Variants in BTRC observed in about 807,000 individuals in gnomAD.
BTRC encodes the protein beta-transducin repeat containing E3 ubiquitin protein ligase.
Under a neutral mutation model 85.5 loss-of-function variants are expected in BTRC, and 42 were observed. The observed-to-expected ratio is 0.49, with a 90% confidence interval of 0.38 to 0.64. The LOEUF is 0.64. BTRC is among the 30% of genes least tolerant of loss of function. BTRC has a pLI of 0.00. For missense variants in BTRC, 594 were observed against 743.5 expected, an observed-to-expected ratio of 0.80 and a Z score of 2.34; for synonymous variants, 255 against 263.3, an observed-to-expected ratio of 0.97 and a Z score of 0.30.
At chr10:101,550,225 G>C (rs1434610032) in intron 13 of BTRC, among the ~76,000 whole-genome samples, 1 of 151,722 alleles carries the variant, frequency 6.6e-6, no homozygotes, top group African/African-American at 2.4e-5. Flanking sequence ...CCTAGTATTT[G>C]ACTTTTCCAT....
chr10:101,416,719 CG>C (rs965094043), intron 1 of BTRC, among the ~76,000 whole-genome samples: 1 of 152,074 alleles, frequency 6.6e-6, no homozygotes, highest in Non-Finnish European at 1.5e-5. Context: ...CAGGAAATGC[CG>C]TAGGGGAAAA....
intron 1 of BTRC, among the ~76,000 whole-genome samples, chr10:101,378,143 T>C (rs1942838505): frequency 1.3e-5 from 2 of 152,154 alleles, no homozygotes; most frequent in Admixed American, 1.3e-4. Flanking sequence ...AAGGAAGGCT[T>C]TCCCTTGAGT....
rs866917342 is a variant in BTRC at position 101,482,838 on chromosome 10, T to C, written c.324+3381T>C. Among the ~76,000 whole-genome samples the C allele has an allele frequency of 5.7e-4, 87 of 152,320 alleles. 1 individual carries two copies. The Middle Eastern group carries it at 0.01, about 18-fold the overall frequency. ...GTTTCATCTGCTGCATTGATATGGCTGCAGTGTTTTCTCAACTTGGTACAA... is the reference window on the plus strand; with the variant it reads ...GTTTCATCTGCTGCATTGATATGGCCGCAGTGTTTTCTCAACTTGGTACAA... On this transcript the variant is annotated intron_variant, in intron 4 of 14. Transcript: ENST00000370187.
At chr10:101,407,797 A>G (rs12414058) in intron 1 of BTRC, among the ~76,000 whole-genome samples, 21,087 of 149,670 alleles carry the variant, frequency 0.14, 1,823 homozygotes, top group Middle Eastern at 0.25. Context: ...ATCTCGGCTC[A>G]TTGCAACCTC....
chr10:101,393,243 T>C (rs1943281941), intron 1 of BTRC, among the ~76,000 whole-genome samples: 1 of 152,224 alleles, frequency 6.6e-6, no homozygotes, highest in South Asian at 2.1e-4. Context: ...TCTATGGGTC[T>C]CTTCATTTGT....
intron 11 of BTRC, 53 bp from the exon 12 acceptor site, chr10:101,536,490 C>T: frequency 1.5e-6 from 2 of 1,370,632 alleles, no homozygotes; most frequent in South Asian, 1.2e-5. Flanking sequence ...TATAACATTC[C>T]AGGCTTAGAA....
At chr10:101,522,377 CAAAAA>C (rs377683037) in intron 5 of BTRC, among the ~76,000 whole-genome samples, 15 of 49,330 alleles carry the variant, frequency 3.0e-4, no homozygotes, top group Non-Finnish European at 5.6e-4. Context: ...CAAAAAAAAA[CAAAAA>C]AAAAAAAACT....
At position 101,366,869 on chromosome 10, in the gene BTRC, AATATATATTTATATATATTT is replaced by A. The variant is rs1451121451; in HGVS notation, c.48+12661_48+12680del. ...GTATATTAATATATATTTATATATT[AATATATATTTATATATATTT>A]ATATATATTTATATATATTAATATA... On this transcript the variant is annotated intron_variant, in intron 1 of 14. Coordinates refer to ENST00000370187, the MANE Select transcript of BTRC (RefSeq NM_033637.4). Among the ~76,000 whole-genome samples the A allele has an allele frequency of 9.3e-4, 20 of 21,484 alleles. 1 individual carries two copies. Among genetic ancestry groups the A allele is most frequent in the African/African-American group, 2.0e-3 (19 of 9,548 alleles). 14.1% of individuals were successfully genotyped at this position (21,484 alleles called of 152,430 possible).
rs976990185 is a variant in BTRC at position 101,553,524 on chromosome 10, T to G, written c.*401T>G. On this transcript the variant is annotated 3_prime_UTR_variant, in exon 15 of 15. Transcript: ENST00000370187. ...TTGCCATTAAGCAGAAGAACTAGTT[T>G]CCCTGTATAGCCTGCTGGGAGAGAC... 7.2e-5 allele frequency: 11 copies of G among 152,646 alleles called. No individual in the cohort carries two copies. The highest frequency in any genetic ancestry group is 7.3e-5 in the Non-Finnish European group (5 of 68,056). 9.5% of individuals were successfully genotyped at this position (152,646 alleles called of 1,614,324 possible).
intron 1 of BTRC, among the ~76,000 whole-genome samples, chr10:101,411,656 C>T (rs753455728): frequency 2.0e-5 from 3 of 151,770 alleles, no homozygotes; most frequent in Admixed American, 2.0e-4. Flanking sequence ...TACCCTACAT[C>T]ACTATGTTCA....
chr10:101,355,364 A>G (rs182735675), intron 1 of BTRC, among the ~76,000 whole-genome samples: 3 of 152,354 alleles, frequency 2.0e-5, no homozygotes, highest in Admixed American at 2.0e-4. Context: ...GGGTGTGCTT[A>G]AACCCCTTGG....
intron 13 of BTRC, 126 bp from the exon 14 acceptor site, chr10:101,550,573 C>T (rs551469062): frequency 8.3e-6 from 8 of 962,378 alleles, no homozygotes; most frequent in African/African-American, 1.6e-5. Context: ...TGAGCCACTG[C>T]GCCTGGCCTC....
chr10:101,400,050 C>A (rs1394704025), intron 1 of BTRC, among the ~76,000 whole-genome samples: 1 of 152,150 alleles, frequency 6.6e-6, no homozygotes, highest in Non-Finnish European at 1.5e-5. Flanking sequence ...TAGCCAATAA[C>A]CTATTCTCCT....
At chr10:101,509,579 G>GTC (rs1176450239) in intron 4 of BTRC, among the ~76,000 whole-genome samples, 1 of 146,134 alleles carries the variant, frequency 6.8e-6, no homozygotes, top group Non-Finnish European at 1.5e-5. Context: ...TTGAGACAAG[G>GTC]TCTCTCTCTG....
intron 4 of BTRC, among the ~76,000 whole-genome samples, chr10:101,511,018 T>A (rs1023528603): frequency 6.6e-6 from 1 of 152,188 alleles, no homozygotes; most frequent in Non-Finnish European, 1.5e-5. Context: ...ATTCTCTGTG[T>A]GGCAGCTAGT....
intron 6 of BTRC, among the ~76,000 whole-genome samples, chr10:101,526,512 G>A (rs901772432): frequency 5.3e-5 from 8 of 152,208 alleles, no homozygotes; most frequent in African/African-American, 1.4e-4. Context: ...GGCACAGTGC[G>A]TTCACGCCTG....
intron 2 of BTRC, among the ~76,000 whole-genome samples, chr10:101,458,913 T>G (rs1336810824): frequency 6.6e-6 from 1 of 152,204 alleles, no homozygotes; most frequent in Admixed American, 6.5e-5. Flanking sequence ...ATTTTGAGAT[T>G]ATGTGACCAT....
intron 1 of BTRC, among the ~76,000 whole-genome samples, chr10:101,392,359 A>G (rs1589415545): frequency 6.6e-6 from 1 of 152,082 alleles, no homozygotes; most frequent in South Asian, 2.1e-4. Context: ...ACCATTGGCA[A>G]CCCCTTTGTG....
intron 4 of BTRC, among the ~76,000 whole-genome samples, chr10:101,486,678 C>G (rs1945997970): frequency 1.3e-5 from 2 of 152,180 alleles, no homozygotes; most frequent in African/African-American, 2.4e-5. Context: ...GCTGTTCAGG[C>G]AGGGTTTAGC....
Sources: gnomAD v4.1 joint callset for allele counts (sites outside exome capture counted in the v4.1 genomes callset) on GRCh38, gnomAD v4.1.1 for gene constraint, MANE v1.5 for transcripts, NCBI Gene and HGNC (gene_info 2026-07-23, HGNC 2026-07-21) for gene names.